The following HECW1 variants were observed in gnomAD, a reference collection of about 807,000 sequenced individuals.
HECW1 encodes E3 ubiquitin-protein ligase HECW1.
Under a neutral mutation model 182.3 loss-of-function variants are expected in HECW1, and 61 were observed. The observed-to-expected ratio is 0.33, with a 90% CI of 0.27 to 0.41. The LOEUF (loss-of-function observed/expected upper bound fraction) is 0.41. Among genes scored for constraint, HECW1 ranks in the 10% least tolerant of loss-of-function variants. The pLI, the probability that HECW1 is intolerant of heterozygous loss-of-function variation, is 1.00. For missense variants in HECW1, 1,739 were observed against 2,108.9 expected, an observed-to-expected ratio of 0.82 and a Z score of 3.44; for synonymous variants, 859 against 832.6, an observed-to-expected ratio of 1.03 and a Z score of -0.55.
chr7:43,527,852 C>T (rs555285999), intron 24 of HECW1, among the ~76,000 whole-genome samples: 1 of 152,282 alleles, frequency 6.6e-6, no homozygotes, highest in East Asian at 1.9e-4. Flanking sequence ...GTAGTATTCT[C>T]CCAAGGTAAA....
At chr7:43,532,581 C>G (rs1203798025) in intron 24 of HECW1, among the ~76,000 whole-genome samples, 1 of 152,168 alleles carries the variant, frequency 6.6e-6, no homozygotes, top group Non-Finnish European at 1.5e-5. Context: ...CCACTGGCCT[C>G]TTTGCATTGC....
intron 17 of HECW1, among the ~76,000 whole-genome samples, chr7:43,482,308 G>A (rs2078467529): frequency 6.6e-6 from 1 of 152,250 alleles, no homozygotes; most frequent in Non-Finnish European, 1.5e-5. Context: ...GGGATAAGGA[G>A]ACAGAGGGAC....
At chr7:43,242,318 T>C (rs1228079812) in intron 2 of HECW1, among the ~76,000 whole-genome samples, 1 of 152,060 alleles carries the variant, frequency 6.6e-6, no homozygotes, top group Middle Eastern at 3.2e-3. Context: ...TGGACCACGC[T>C]GGAGGAGGCA....
intron 2 of HECW1, among the ~76,000 whole-genome samples, chr7:43,185,946 C>G (rs1295011869): frequency 1.3e-5 from 2 of 152,138 alleles, no homozygotes; most frequent in Non-Finnish European, 2.9e-5. Context: ...TGTCGGCTGG[C>G]TCCAGCAAGC....
chr7:43,496,651 T>C (rs997485756), intron 19 of HECW1, among the ~76,000 whole-genome samples: 3 of 152,050 alleles, frequency 2.0e-5, no homozygotes, highest in African/African-American at 4.8e-5. Flanking sequence ...CAAGAGCAGA[T>C]GGTGACCCCT....
At chr7:43,431,004 A>G (rs1403144172) in intron 8 of HECW1, among the ~76,000 whole-genome samples, 1 of 151,702 alleles carries the variant, frequency 6.6e-6, no homozygotes, top group Non-Finnish European at 1.5e-5. Flanking sequence ...CTGGTCTCCA[A>G]CTTCTGAGCA....
At chr7:43,546,616 C>CAA (rs3037095) in intron 26 of HECW1, among the ~76,000 whole-genome samples, 1 of 136,448 alleles carries the variant, frequency 7.3e-6, no homozygotes, top group African/African-American at 2.8e-5. Flanking sequence ...TGTCCAATAT[C>CAA]AAAAAAAAAA....
intron 2 of HECW1, among the ~76,000 whole-genome samples, chr7:43,168,108 T>A (rs1287384841): frequency 6.6e-6 from 1 of 152,216 alleles, no homozygotes; most frequent in Non-Finnish European, 1.5e-5. Flanking sequence ...ACAAGTAGAT[T>A]TGTGTACGTG....
Position 43,474,277 on chromosome 7 carries a change from G to A in HECW1, c.3099+5172G>A, listed in dbSNP as rs563985276. Among the ~76,000 whole-genome samples, 5 of 152,082 alleles carry A rather than the reference G, an allele frequency of 3.3e-5. No individual in the cohort carries two copies. In the East Asian group the frequency reaches 5.8e-4, roughly 18 times the overall value. Reference sequence around the variant, plus strand: ...ACCCTAGCTAACATGGTGAAACCCCGTCTCTACTAAAAATACAAAAAATTA... The same window carrying A: ...ACCCTAGCTAACATGGTGAAACCCCATCTCTACTAAAAATACAAAAAATTA... On this transcript the variant is annotated intron_variant, in intron 16 of 29. Coordinates refer to ENST00000395891, the MANE Select transcript of HECW1 (RefSeq NM_015052.5).
At chr7:43,244,084 C>T in intron 3 of HECW1, 152 bp downstream of exon 3, 1 of 716,596 alleles carries the variant, frequency 1.4e-6, no homozygotes, top group South Asian at 1.5e-5. Flanking sequence ...AGATCCATCA[C>T]CCTCCCTCCC....
chr7:43,311,445 C>T (rs774423419), intron 3 of HECW1, among the ~76,000 whole-genome samples: 23 of 152,194 alleles, frequency 1.5e-4, no homozygotes, highest in Non-Finnish European at 2.6e-4. Context: ...GGAATAGTCA[C>T]ACCTTCAGGG....
chr7:43,216,991 C>A (rs13225071), intron 2 of HECW1, among the ~76,000 whole-genome samples: 35,117 of 151,974 alleles, frequency 0.23, 4,464 homozygotes, highest in Non-Finnish European at 0.28. Context: ...ACCAGAGGGA[C>A]CAGCTGTCAA....
intron 3 of HECW1, among the ~76,000 whole-genome samples, chr7:43,279,129 T>C (rs1435086863): frequency 6.6e-6 from 1 of 152,192 alleles, no homozygotes; most frequent in Admixed American, 6.5e-5. Context: ...GATTCAACAT[T>C]TGGTGTGGGC....
rs1812181848 is a variant in HECW1 at position 43,336,124 on chromosome 7, T to TCTCTCTCTCTCTCTC, written c.460+15382_460+15383insCTCTCTCTCTCTCTC. ...CTTTCTTCTTTCTTTCTTTCTTTCTTTCTCTCTCTCTCTCTCTCTTTCTCT... is the reference window on the plus strand; with the variant it reads ...CTTTCTTCTTTCTTTCTTTCTTTCTTCTCTCTCTCTCTCTCTCTCTCTCTCTCTCTCTCTTTCTCT... On this transcript the variant is annotated intron_variant, in intron 5 of 29. Transcript: ENST00000395891. Among the ~76,000 whole-genome samples, 26 of 64,298 alleles carry TCTCTCTCTCTCTCTC rather than the reference T, an allele frequency of 4.0e-4. 2 individuals are homozygous for TCTCTCTCTCTCTCTC. The highest frequency in any genetic ancestry group is 1.8e-3 in the African/African-American group (25 of 13,788). 42.2% of individuals were successfully genotyped at this position (64,298 alleles called of 152,430 possible).
At chr7:43,501,353 T>A in intron 21 of HECW1, 31 bp downstream of exon 21, 1 of 1,263,198 alleles carries the variant, frequency 7.9e-7, no homozygotes, top group African/African-American at 1.5e-5. Flanking sequence ...TAGCTCCTGT[T>A]AAGTGGCCAC....
chr7:43,194,857 C>T (rs1794288781), intron 2 of HECW1, among the ~76,000 whole-genome samples: 1 of 152,130 alleles, frequency 6.6e-6, no homozygotes, highest in South Asian at 2.1e-4. Flanking sequence ...CCACACCTGG[C>T]TACTTTTTGT....
At chr7:43,407,865 G>A in intron 8 of HECW1, 134 bp downstream of exon 8, 1 of 777,904 alleles carries the variant, frequency 1.3e-6, no homozygotes, top group Non-Finnish European at 2.0e-6. Flanking sequence ...GGTCTTAGAA[G>A]GGAGCCATGT....
At chr7:43,544,520 T>G (rs1331109991) in intron 26 of HECW1, among the ~76,000 whole-genome samples, 1 of 152,234 alleles carries the variant, frequency 6.6e-6, no homozygotes, top group African/African-American at 2.4e-5. Context: ...TAGGTGGAAG[T>G]GTGATTCACT....
intron 17 of HECW1, among the ~76,000 whole-genome samples, chr7:43,482,744 A>G (rs918742989): frequency 6.6e-6 from 1 of 152,028 alleles, no homozygotes; most frequent in Non-Finnish European, 1.5e-5. Flanking sequence ...TTTCTCTACA[A>G]AAATTTAAAA....
Sources: gnomAD v4.1 joint callset for allele counts (sites outside exome capture counted in the v4.1 genomes callset) on GRCh38, gnomAD v4.1.1 for gene constraint, MANE v1.5 for transcripts, NCBI Gene and HGNC (gene_info 2026-07-23, HGNC 2026-07-21) for gene names.